TENM2: variants seen among roughly 807,000 people sequenced by gnomAD.
TENM2 encodes the protein teneurin-2.
A neutral mutation model predicts 245.2 loss-of-function variants in TENM2; 52 were observed. The observed-to-expected ratio is 0.21, with a 90% CI of 0.17 to 0.27. TENM2 has a LOEUF of 0.27. Among genes scored for constraint, TENM2 ranks in the 10% least tolerant of loss-of-function variants. The probability of loss-of-function intolerance (pLI) is 1.00; values close to 1 mark genes in which losing one functional copy is unlikely to be tolerated. For missense variants in TENM2, 3,046 were observed against 3,666.8 expected (o/e 0.83, Z 4.37); for synonymous variants, 1,363 against 1,438.9 (o/e 0.95, Z 1.19).
intron 12 of TENM2, among the ~76,000 whole-genome samples, chr5:168,160,851 C>T (rs988533539): frequency 2.6e-5 from 4 of 151,984 alleles, no homozygotes; most frequent in South Asian, 2.1e-4. Context: ...CATAGCAAGA[C>T]CCAATCTCTA....
intron 2 of TENM2, among the ~76,000 whole-genome samples, chr5:167,427,479 G>T (rs888774332): frequency 6.7e-6 from 1 of 150,340 alleles, no homozygotes; most frequent in Non-Finnish European, 1.5e-5. Context: ...GGAAGGGAAG[G>T]AAGGGAAGCA....
intron 2 of TENM2, among the ~76,000 whole-genome samples, chr5:167,513,317 T>C (rs1237934417): frequency 6.6e-6 from 1 of 152,164 alleles, no homozygotes; most frequent in Admixed American, 6.5e-5. Context: ...TTGGAGATGT[T>C]CAGAGGCAAT....
chr5:167,061,112 A>G, the TENM2 span, among the ~76,000 whole-genome samples: 2 of 124,890 alleles, frequency 1.6e-5, no homozygotes, highest in African/African-American at 3.1e-5. Context: ...ACACACACAC[A>G]CACACACACA....
intron 5 of TENM2, among the ~76,000 whole-genome samples, chr5:168,027,431 T>C (rs1237538301): frequency 6.6e-6 from 1 of 152,212 alleles, no homozygotes; most frequent in Non-Finnish European, 1.5e-5. Context: ...TAGCTTCTGC[T>C]AGCAGACTGG....
the TENM2 span, among the ~76,000 whole-genome samples, chr5:167,097,105 CGA>C: frequency 6.6e-6 from 1 of 151,836 alleles, no homozygotes; most frequent in Non-Finnish European, 1.5e-5. Flanking sequence ...TTTCCCCGCC[CGA>C]GAGAGTCAAA....
downstream of TENM2, chr5:168,263,903 T>G (rs1224158725): frequency 2.6e-5 from 4 of 151,828 alleles, no homozygotes; most frequent in Non-Finnish European, 5.9e-5. Flanking sequence ...CACATGACAG[T>G]CACCACGAGG....
the TENM2 span, among the ~76,000 whole-genome samples, chr5:167,154,821 A>G: frequency 2.6e-5 from 4 of 152,226 alleles, no homozygotes; most frequent in African/African-American, 9.6e-5. Flanking sequence ...ATTTGCCCTT[A>G]GGGAAAAGTG....
At chr5:168,148,811 G>A (rs949515149) in intron 12 of TENM2, among the ~76,000 whole-genome samples, 2 of 151,974 alleles carry the variant, frequency 1.3e-5, no homozygotes, top group Admixed American at 1.3e-4. Context: ...CATCTTCACA[G>A]GATTTAGACA....
intron 2 of TENM2, among the ~76,000 whole-genome samples, chr5:167,830,330 T>A (rs1768359204): frequency 6.6e-6 from 1 of 152,210 alleles, no homozygotes; most frequent in Non-Finnish European, 1.5e-5. Flanking sequence ...TTTTTATCAT[T>A]TTTTCTGCTT....
At chr5:167,299,739 C>T (rs987102382) in intron 1 of TENM2, among the ~76,000 whole-genome samples, 3 of 151,996 alleles carry the variant, frequency 2.0e-5, no homozygotes, top group Non-Finnish European at 4.4e-5. Flanking sequence ...ATGGGGTGAA[C>T]GTCAGGTGGA....
At chr5:167,197,910 T>C in the TENM2 span, among the ~76,000 whole-genome samples, 1 of 150,700 alleles carries the variant, frequency 6.6e-6, no homozygotes, top group Non-Finnish European at 1.5e-5. Flanking sequence ...TATACACATA[T>C]AGAGAGAGAG....
At chr5:167,360,831 G>C (rs978621940) in intron 1 of TENM2, among the ~76,000 whole-genome samples, 1 of 152,116 alleles carries the variant, frequency 6.6e-6, no homozygotes, top group Non-Finnish European at 1.5e-5. Flanking sequence ...AGTTTAATTA[G>C]AGTGCGTACT....
intron 2 of TENM2, among the ~76,000 whole-genome samples, chr5:167,853,975 T>G (rs760842749): frequency 2.0e-5 from 3 of 152,250 alleles, no homozygotes; most frequent in African/African-American, 7.2e-5. Context: ...ACATTTCTAC[T>G]TATTCAGTAA....
chr5:167,267,925 A>C, the TENM2 span, among the ~76,000 whole-genome samples: 1 of 149,068 alleles, frequency 6.7e-6, no homozygotes, highest in Non-Finnish European at 1.5e-5. Context: ...GGCAACAAAG[A>C]GTCTTTTTAA....
chr5:167,749,637 CAA>C (rs11348656), intron 2 of TENM2, among the ~76,000 whole-genome samples: 2,261 of 145,242 alleles, frequency 0.016, 31 homozygotes, highest in East Asian at 0.031. Flanking sequence ...AACCCCATCT[CAA>C]AAAAAAAAAA....
chr5:168,210,576 G>C (rs924043969), intron 19 of TENM2, among the ~76,000 whole-genome samples: 2 of 151,436 alleles, frequency 1.3e-5, no homozygotes, highest in East Asian at 3.9e-4. Flanking sequence ...CACTATGTCA[G>C]TCAGAGCTCA....
chr5:167,417,650 G>A (rs997148096), intron 2 of TENM2, among the ~76,000 whole-genome samples: 11 of 152,184 alleles, frequency 7.2e-5, no homozygotes, highest in East Asian at 5.8e-4. Context: ...GCATTCCTAC[G>A]TGGTAAGTGG....
intron 1 of TENM2, among the ~76,000 whole-genome samples, chr5:167,311,613 A>G (rs1320203309): frequency 1.3e-5 from 2 of 152,152 alleles, no homozygotes; most frequent in Non-Finnish European, 2.9e-5. Context: ...TTTTCATATT[A>G]TAATAGTTCA....
At chr5:167,240,320 C>T in the TENM2 span, among the ~76,000 whole-genome samples, 2 of 150,716 alleles carry the variant, frequency 1.3e-5, no homozygotes, top group Admixed American at 6.6e-5. Context: ...TTAACCATTT[C>T]TTTAGAGATA....
Sources: allele counts gnomAD v4.1 joint callset (sites outside exome capture counted in the v4.1 genomes callset), GRCh38; gene constraint gnomAD v4.1.1; transcripts MANE v1.5; gene names NCBI Gene and HGNC (gene_info 2026-07-23, HGNC 2026-07-21).